RRP1: variants seen among roughly 807,000 people sequenced by gnomAD.
RRP1 encodes the protein ribosomal RNA processing protein 1 homolog A.
A neutral mutation model predicts 54.6 loss-of-function variants in RRP1; 37 were observed. The observed-to-expected ratio is 0.68, with a 90% CI of 0.52 to 0.89. The LOEUF (loss-of-function observed/expected upper bound fraction) is 0.89, where lower values mean the gene tolerates loss of function less well. Among genes scored for constraint, RRP1 ranks in the 40% least tolerant of loss-of-function variants. The pLI, the probability that RRP1 is intolerant of heterozygous loss-of-function variation, is 0.00. For synonymous variants in RRP1, 262 were observed against 244.3 expected (o/e 1.07, Z -0.67); for missense variants, 639 against 612.5 (o/e 1.04, Z -0.46).
At chr21:43,800,636 G>A (rs943074555) in intron 10 of RRP1, 22 bp downstream of exon 10, 7 of 1,608,124 alleles carry the variant, frequency 4.4e-6, no homozygotes, top group East Asian at 2.2e-5. Flanking sequence ...AGGGCGCTGC[G>A]TCCTCCCTGC....
Position 43,800,584 on chromosome 21 carries a change from A to G in RRP1, c.959A>G (p.Asn320Ser). The G allele has an allele frequency of 6.2e-7, 1 of 1,614,268 alleles. No individual in the cohort carries two copies. Among genetic ancestry groups the G allele is most frequent in the Non-Finnish European group, 8.5e-7 (1 of 1,180,050 alleles). The change falls in exon 10 of 13, where the codon AAC (asparagine) becomes AGC (serine). Residue 320 changes from asparagine (N) to serine (S), a missense_variant. Physicochemically the swap from Asn to Ser is conservative, Grantham distance 46 (BLOSUM62 1). Transcript: ENST00000497547. Reference protein sequence around the residue: ...MASRQSTPSQNRKRLYKVIRK... With the variant: ...MASRQSTPSQSRKRLYKVIRK... The stretch of plus-strand genomic sequence containing the variant: ...AGCCGCCAGAGCACCCCTTCTCAGA[A>G]CAGAAAGCGTCTCTACAAAGTGATC...
rs376395528 is a variant in RRP1 at position 43,789,629 on chromosome 21, C to T, written c.-1C>T. 8.8e-6 allele frequency: 14 copies of T among 1,586,988 alleles called. No individual in the cohort carries two copies. Among genetic ancestry groups the T allele is most frequent in the Non-Finnish European group, 1.2e-5 (14 of 1,168,376 alleles). Reference sequence around the variant, plus strand: ...GACAGGGGGTCTCGGCCGTCGGCGTCATGGTTTCGCGCGTGCAGCTCCCGC... The same window carrying T: ...GACAGGGGGTCTCGGCCGTCGGCGTTATGGTTTCGCGCGTGCAGCTCCCGC... On this transcript the variant is annotated 5_prime_UTR_variant, in exon 1 of 13. Transcript: ENST00000497547.
chr21:43,793,443 G>A (rs747236190), intron 4 of RRP1, 39 bp downstream of exon 4: 18 of 1,566,676 alleles, frequency 1.1e-5, no homozygotes, highest in East Asian at 9.0e-5. Flanking sequence ...CGGGGGCAGC[G>A]CGGGTCTCAG....
At chr21:43,796,135 GTTT>G (rs955861028) in intron 5 of RRP1, among the ~76,000 whole-genome samples, 1 of 144,580 alleles carries the variant, frequency 6.9e-6, no homozygotes, top group Non-Finnish European at 1.5e-5. Flanking sequence ...CTGGTTTTTT[GTTT>G]TTTTTTTTTA....
rs2085082398 is a variant in RRP1 at position 43,800,849 on chromosome 21, C to T, written c.990-13C>T. 1.9e-6 allele frequency: 3 copies of T among 1,613,460 alleles called. No individual in the cohort carries two copies. In the South Asian group the frequency reaches 3.3e-5, roughly 18 times the overall value. On this transcript the variant is annotated splice_polypyrimidine_tract_variant and intron_variant, in intron 10 of 12. Coordinates refer to ENST00000497547, the MANE Select transcript of RRP1 (RefSeq NM_003683.6). ...GCAGCTGTGGTAAGTGGGTATCTGT[C>T]TTACTCTTTCAGGCTGCAGGACCTG...
At chr21:43,799,691 C>T (rs372610459) in intron 9 of RRP1, 42 bp downstream of exon 9, 4 of 1,563,168 alleles carry the variant, frequency 2.6e-6, no homozygotes, top group Non-Finnish European at 3.5e-6. Context: ...AGCCTTTGCC[C>T]CTCTGTGCTA....
chr21:43,794,202 G>T lies in RRP1; in HGVS notation c.360+798G>T, dbSNP rs180776725. 8.5e-4 allele frequency among the ~76,000 whole-genome samples: 130 copies of T among 152,324 alleles called. 1 individual carries two copies. The Middle Eastern group carries it at 0.031, about 36-fold the overall frequency. On this transcript the variant is annotated intron_variant, in intron 4 of 12. Transcript: ENST00000497547. The stretch of plus-strand genomic sequence containing the variant: ...AGTGATTCTAGAAGTGGAGACCAGG[G>T]CGGGAAAGGCCTGGAGCTCAAGAAG...
intron 10 of RRP1, 71 bp from the exon 11 acceptor site, chr21:43,800,791 C>T (rs2085081005): frequency 1.9e-6 from 3 of 1,602,642 alleles, no homozygotes. Flanking sequence ...CCTGCAGCCG[C>T]TCTAGCTGGA....
chr21:43,793,452 A>G (rs1419943639), intron 4 of RRP1, 48 bp downstream of exon 4: 9 of 1,530,716 alleles, frequency 5.9e-6, no homozygotes, highest in Middle Eastern at 1.8e-4. Context: ...CGCGGGTCTC[A>G]GTGCCTGGCC....
chr21:43,791,726 A>G (rs1964982), intron 2 of RRP1, among the ~76,000 whole-genome samples: 33,092 of 151,852 alleles, frequency 0.22, 3,942 homozygotes, highest in East Asian at 0.47. Flanking sequence ...CTGGTCTCGA[A>G]CTCCTGAGCT....
chr21:43,793,337 C>T lies in RRP1; in HGVS notation c.293C>T (p.Ala98Val). 1.2e-6 allele frequency: 2 copies of T among 1,614,182 alleles called. No homozygotes were observed. Among genetic ancestry groups the T allele is most frequent in the Non-Finnish European group, 1.7e-6 (2 of 1,180,012 alleles). The change falls in exon 4 of 13, where the codon GCC becomes GTC. Residue 98 changes from alanine (A) to valine (V), a missense_variant. By Grantham distance (64) the Ala-to-Val change is moderately conservative. Transcript: ENST00000497547. ...TTEAQHLFLQAFWQTMNREWT... is the reference protein window; with the variant it reads ...TTEAQHLFLQVFWQTMNREWT... Reference sequence around the variant, plus strand: ...TCTCCAGAGCACCTGTTCCTTCAGGCCTTCTGGCAGACCATGAATCGCGAG... The same window carrying T: ...TCTCCAGAGCACCTGTTCCTTCAGGTCTTCTGGCAGACCATGAATCGCGAG...
chr21:43,797,296 T>G, intron 5 of RRP1, 126 bp from the exon 6 acceptor site: 4 of 1,450,358 alleles, frequency 2.8e-6, no homozygotes, highest in Non-Finnish European at 3.6e-6. Context: ...GCTGGCATGT[T>G]TGCAGACAGT....
intron 9 of RRP1, among the ~76,000 whole-genome samples, 157 bp from the exon 10 acceptor site, chr21:43,800,360 C>T (rs2085073364): frequency 6.6e-6 from 1 of 152,178 alleles, no homozygotes; most frequent in Non-Finnish European, 1.5e-5. Flanking sequence ...GTGGGTGGAG[C>T]TGCAGGACCC....
At chr21:43,798,681 C>G (rs1188591869) in intron 8 of RRP1, among the ~76,000 whole-genome samples, 1 of 151,982 alleles carries the variant, frequency 6.6e-6, no homozygotes, top group Admixed American at 6.5e-5. Flanking sequence ...CTCACCTGCC[C>G]CTCACTGCCT....
At position 43,803,903 on chromosome 21, in the gene RRP1, G is replaced by A. The variant is rs1265369740; in HGVS notation, c.*129G>A. 3 of 1,181,538 alleles carry A rather than the reference G, an allele frequency of 2.5e-6. No homozygotes were observed. Among genetic ancestry groups the A allele is most frequent in the East Asian group, 2.6e-5 (1 of 38,106 alleles). 73.2% of individuals were successfully genotyped at this position (1,181,538 alleles called of 1,614,324 possible). A position where few individuals can be genotyped will look rare whatever the true frequency, so the allele number is the denominator to read the frequency against. On this transcript the variant is annotated 3_prime_UTR_variant, in exon 13 of 13. Coordinates refer to ENST00000497547, the MANE Select transcript of RRP1 (RefSeq NM_003683.6). ...ACTCCTGTGCCAGGCGGGAGGGAAG[G>A]GCGGCACTGGAGAGATGGGCCCATC...
chr21:43,800,411 A>C (rs1468905427), intron 9 of RRP1, 106 bp from the exon 10 acceptor site: 2 of 976,588 alleles, frequency 2.0e-6, no homozygotes, highest in Non-Finnish European at 3.2e-6. Context: ...CGGGTGGAGA[A>C]CCTGCAAGTG....
Position 43,798,003 on chromosome 21 carries a change from A to G in RRP1, c.714A>G (p.Thr238=), listed in dbSNP as rs1179034657. 5 of 1,614,034 alleles carry G rather than the reference A, an allele frequency of 3.1e-6. No homozygotes were observed. In the African/African-American group the frequency reaches 6.7e-5, roughly 22 times the overall value. The change falls in exon 8 of 13, where the codon ACA becomes ACG. Residue 238 remains threonine (T), a synonymous_variant. Coordinates refer to ENST00000497547, the MANE Select transcript of RRP1 (RefSeq NM_003683.6). The stretch of plus-strand genomic sequence containing the variant: ...AAGACCTCCTGAATGAACTGGACAC[A>G]CAGGATGAGGAGGTGGCGTCGGACA... ...AIEDLLNELD[T]QDEEVASDSD... is the part of the protein sequence containing the mutation.
intron 8 of RRP1, 41 bp from the exon 9 acceptor site, chr21:43,799,529 G>C: frequency 6.3e-7 from 1 of 1,586,694 alleles, no homozygotes; most frequent in Non-Finnish European, 8.6e-7. Context: ...GCCAGCACAC[G>C]TTGGGCACAG....
intron 12 of RRP1, 148 bp from the exon 13 acceptor site, chr21:43,803,364 A>G: frequency 2.6e-6 from 3 of 1,133,878 alleles, no homozygotes; most frequent in Non-Finnish European, 3.7e-6. Flanking sequence ...CTTGGCGCCC[A>G]CACTGGACAC....
Sources: allele counts gnomAD v4.1 joint callset (sites outside exome capture counted in the v4.1 genomes callset), GRCh38; gene constraint gnomAD v4.1.1; transcripts MANE v1.5; gene names NCBI Gene and HGNC (gene_info 2026-07-23, HGNC 2026-07-21).